The following ANAPC2 variants were observed in gnomAD, a reference collection of about 807,000 sequenced individuals.
ANAPC2 encodes anaphase-promoting complex subunit 2.
Under a neutral mutation model 84.3 loss-of-function variants are expected in ANAPC2, and 29 were observed. The ratio of observed to expected loss-of-function variants is 0.34; its 90% CI spans 0.26 to 0.47. The LOEUF is 0.47. Among genes scored for constraint, ANAPC2 ranks in the 20% least tolerant of loss-of-function variants. The pLI, the probability that ANAPC2 is intolerant of heterozygous loss-of-function variation, is 1.00. For synonymous variants in ANAPC2, 571 were observed against 479.4 expected (o/e 1.19, Z -2.50); for missense variants, 857 against 1,131.7 (o/e 0.76, Z 3.48).
chr9:137,186,455 G>GCAGCACACACACACACACACACC, intron 2 of ANAPC2, 99 bp from the exon 3 acceptor site: 1 of 1,428,944 alleles, frequency 7.0e-7, no homozygotes, highest in South Asian at 1.3e-5. Context: ...TAGAGTGCAT[G>GCAGCACACACACACACACACACC]CAGCACACAC....
At chr9:137,183,533 C>T in intron 5 of ANAPC2, 139 bp downstream of exon 5, 1 of 1,326,690 alleles carries the variant, frequency 7.5e-7, no homozygotes, top group Non-Finnish European at 1.0e-6. Context: ...CTAAGGACCT[C>T]ACCAATTGCT....
intron 6 of ANAPC2, among the ~76,000 whole-genome samples, chr9:137,182,463 C>T (rs1015561926): frequency 2.0e-5 from 3 of 151,638 alleles, no homozygotes; most frequent in African/African-American, 4.8e-5. Context: ...GAGCAGAGAT[C>T]GTGCCACTGC....
intron 5 of ANAPC2, 57 bp downstream of exon 5, chr9:137,183,615 G>A (rs1834387547): frequency 6.4e-7 from 1 of 1,569,866 alleles, no homozygotes; most frequent in Non-Finnish European, 8.6e-7. Context: ...CCTGGACATG[G>A]GTCCCCTGGT....
chr9:137,183,589 A>G lies in ANAPC2; in HGVS notation c.1168+83T>C, dbSNP rs939300132. 8 of 1,531,688 alleles carry G rather than the reference A, an allele frequency of 5.2e-6. No homozygotes were observed. In the African/African-American group the frequency reaches 8.2e-5, roughly 16 times the overall value. 94.9% of individuals were successfully genotyped at this position (1,531,688 alleles called of 1,614,324 possible). On this transcript the variant is annotated intron_variant, in intron 5 of 12. Coordinates refer to ENST00000323927, the MANE Select transcript of ANAPC2 (RefSeq NM_013366.4). ...AGACCTACAAGTCCAGGGCTGGCAG[A>G]CTAGGCCCCAGGCTCCCTGGACATG...
At chr9:137,186,553 C>G in intron 2 of ANAPC2, 197 bp from the exon 3 acceptor site, 2 of 734,502 alleles carry the variant, frequency 2.7e-6, no homozygotes, top group Admixed American at 2.9e-5. Context: ...ACTGGGAGCA[C>G]AGAGCACTCC....
Position 137,174,926 on chromosome 9 carries a change from G to C in ANAPC2, c.*16C>G. ...AGGGCAGCGCCTGGCGGGCGGGCGG[G>C]CGGGCGGGCGATGTGTCAGCTGCAG... On this transcript the variant is annotated 3_prime_UTR_variant, in exon 13 of 13. Transcript: ENST00000323927. This position sits in a 1 kb window ranked among gnomAD's most constrained non-coding sequence, Gnocchi z 6.1. 1 of 1,490,704 alleles carries C rather than the reference G, an allele frequency of 6.7e-7. No individual in the cohort carries two copies. The highest frequency in any genetic ancestry group is 8.9e-7 in the Non-Finnish European group (1 of 1,117,856). 92.3% of individuals were successfully genotyped at this position (1,490,704 alleles called of 1,614,324 possible). A position where few individuals can be genotyped will look rare whatever the true frequency, so the allele number is the denominator to read the frequency against.
intron 10 of ANAPC2, among the ~76,000 whole-genome samples, chr9:137,179,542 A>G (rs1443207503): frequency 1.3e-5 from 2 of 152,118 alleles, no homozygotes; most frequent in Non-Finnish European, 2.9e-5. Flanking sequence ...GGCCAATACC[A>G]TCCTCTGGGC....
chr9:137,179,679 G>A lies in ANAPC2; in HGVS notation c.1890+502C>T, dbSNP rs527861557. ...CTCAAGTACCACTGGAGCCTGCAAA[G>A]GCAGTTCTCGAGGAAACAGACCTGG... On this transcript the variant is annotated intron_variant, in intron 10 of 12. Coordinates refer to ENST00000323927, the MANE Select transcript of ANAPC2 (RefSeq NM_013366.4). Among the ~76,000 whole-genome samples, 184 of 152,340 alleles carry A rather than the reference G, an allele frequency of 1.2e-3. 2 individuals are homozygous for A. The highest frequency in any genetic ancestry group is 4.2e-3 in the African/African-American group (173 of 41,574).
chr9:137,187,288 G>C (rs1394245928), intron 2 of ANAPC2, 193 bp downstream of exon 2: 5 of 702,650 alleles, frequency 7.1e-6, no homozygotes, highest in Non-Finnish European at 1.1e-5. Context: ...GAATCTGTGG[G>C]ACTGAAGGTG....
In ANAPC2 at chr9:137,188,481, G is replaced by C; in HGVS notation, c.52C>G (p.Gln18Glu). ...GTGTTCCAGGCCACTAACAACTCCT[G>C]TCCGGGCCGGGAGTCGCTGTCCCCC... ...AEGDSDSRPG[Q>E]ELLVAWNTVS... is the part of the protein sequence containing the mutation. Residue 18 changes from glutamine (Q) to glutamate (E), a missense_variant, in exon 1 of 13, where the codon CAG (glutamine) becomes GAG (glutamate). Gln to Glu is a conservative substitution (Grantham distance 29). Coordinates refer to ENST00000323927, the MANE Select transcript of ANAPC2 (RefSeq NM_013366.4). The C allele has an allele frequency of 6.2e-7, 1 of 1,610,340 alleles. No homozygotes were observed. The highest frequency in any genetic ancestry group is 1.3e-5 in the African/African-American group (1 of 75,016).
Position 137,180,869 on chromosome 9 carries a change from C to A in ANAPC2, c.1529G>T (p.Gly510Val). Residue 510 changes from glycine (G) to valine (V), a missense_variant, in exon 8 of 13, where the codon GGC becomes GTC. Coordinates refer to ENST00000323927, the MANE Select transcript of ANAPC2 (RefSeq NM_013366.4). ...DIISLLVSIY[G>V]SKDLFINEYR... Reference sequence around the variant, plus strand: ...CTCATTGATGAAGAGGTCCTTGCTGCCGTAGATGCTGACCAGCAGGCTGAT... The same window carrying A: ...CTCATTGATGAAGAGGTCCTTGCTGACGTAGATGCTGACCAGCAGGCTGAT... 1.2e-6 allele frequency: 2 copies of A among 1,613,464 alleles called. No homozygotes were observed. Among genetic ancestry groups the A allele is most frequent in the Non-Finnish European group, 1.7e-6 (2 of 1,179,960 alleles).
chr9:137,175,839 T>C lies in ANAPC2; in HGVS notation c.1891-2A>G. 1 of 1,603,094 alleles carries C rather than the reference T, an allele frequency of 6.2e-7. No individual in the cohort carries two copies. Among genetic ancestry groups the C allele is most frequent in the Non-Finnish European group, 8.5e-7 (1 of 1,175,058 alleles). ...CTTCCAACTGAGGGTCCGCATGGCCTAAGGAGGGCCAGGGTCAGCACGGGC... is the reference window on the plus strand; with the variant it reads ...CTTCCAACTGAGGGTCCGCATGGCCCAAGGAGGGCCAGGGTCAGCACGGGC... On this transcript the variant is annotated splice_acceptor_variant, in intron 10 of 12. Coordinates refer to ENST00000323927, the MANE Select transcript of ANAPC2 (RefSeq NM_013366.4). LOFTEE classifies it high-confidence loss of function.
chr9:137,179,544 C>T (rs1023379537), intron 10 of ANAPC2, among the ~76,000 whole-genome samples: 7 of 152,200 alleles, frequency 4.6e-5, no homozygotes, highest in East Asian at 3.9e-4. Flanking sequence ...CCAATACCAT[C>T]CTCTGGGCAC....
At chr9:137,177,892 C>T (rs879502558) in intron 10 of ANAPC2, among the ~76,000 whole-genome samples, 1 of 152,180 alleles carries the variant, frequency 6.6e-6, no homozygotes, top group African/African-American at 2.4e-5. Context: ...CCACAGGCCC[C>T]GGAGCTCCTG....
At chr9:137,186,792 G>A (rs527548484) in intron 2 of ANAPC2, 15 of 174,978 alleles carry the variant, frequency 8.6e-5, no homozygotes, top group Non-Finnish European at 1.7e-4. Flanking sequence ...GGACTCAAGA[G>A]GAGGATGAGA....
Position 137,184,834 on chromosome 9 carries a change from G to A in ANAPC2, c.1048+79C>T, listed in dbSNP as rs1834426207. On this transcript the variant is annotated intron_variant, in intron 4 of 12. Transcript: ENST00000323927. The stretch of plus-strand genomic sequence containing the variant: ...TGAAGGCACAGGGAGCCCAGATGCA[G>A]ACACAGAGGAGACACGGGGAAGGCC... 15 of 1,547,866 alleles carry A rather than the reference G, an allele frequency of 9.7e-6. No individual in the cohort carries two copies. The South Asian group carries it at 1.8e-4, about 19-fold the overall frequency.
intron 2 of ANAPC2, 125 bp from the exon 3 acceptor site, chr9:137,186,481 G>GCACACACCTCCC (rs1834473335): frequency 5.7e-6 from 7 of 1,236,458 alleles, no homozygotes; most frequent in Non-Finnish European, 7.7e-6. Context: ...CACACACCCA[G>GCACACACCTCCC]CACACACCTC....
intron 2 of ANAPC2, chr9:137,187,216 G>A (rs1834492399): frequency 2.0e-6 from 1 of 497,376 alleles, no homozygotes; most frequent in Non-Finnish European, 3.6e-6. Flanking sequence ...GAAGTTTGGA[G>A]TTGCTAAGAA....
intron 2 of ANAPC2, chr9:137,186,622 C>T: frequency 2.1e-6 from 1 of 484,386 alleles, no homozygotes; most frequent in East Asian, 3.2e-5. Context: ...TGGCCTTCCC[C>T]ATGTGATCAG....
Sources: gnomAD v4.1 joint callset for allele counts (sites outside exome capture counted in the v4.1 genomes callset) on GRCh38, gnomAD v4.1.1 for gene constraint, Gnocchi (gnomAD v3.1) non-coding constraint, MANE v1.5 for transcripts, NCBI Gene and HGNC (gene_info 2026-07-23, HGNC 2026-07-21) for gene names.